The following LEMD3 variants were observed in gnomAD, a reference collection of about 807,000 sequenced individuals.
The protein encoded by LEMD3 is LEM domain containing 3.
LEMD3 carries 33 observed loss-of-function variants against 95.2 expected under a neutral mutation model. The observed-to-expected ratio is 0.35, with a 90% CI of 0.26 to 0.46. The LOEUF (loss-of-function observed/expected upper bound fraction) is 0.46, where lower values mean the gene tolerates loss of function less well. Ranked by LOEUF, LEMD3 falls within the 20% of genes least tolerant of loss-of-function variation. The probability of loss-of-function intolerance (pLI) is 1.00; values close to 1 mark genes in which losing one functional copy is unlikely to be tolerated. For missense variants in LEMD3, 1,210 were observed against 1,192.8 expected, an observed-to-expected ratio of 1.01 and a Z score of -0.21; for synonymous variants, 525 against 474.6, an observed-to-expected ratio of 1.11 and a Z score of -1.38.
rs757886688 is a variant in LEMD3 at position 65,170,144 on chromosome 12, C to CT, written c.549dup (p.Asn184Ter). The CT allele has an allele frequency of 1.4e-6, 2 of 1,474,786 alleles. No individual in the cohort carries two copies. Among genetic ancestry groups the CT allele is most frequent in the Non-Finnish European group, 8.9e-7 (1 of 1,118,102 alleles). The allele number at this position is 1,474,786 out of a possible 1,614,324, so 91.4% of individuals were successfully genotyped here. On this transcript the variant is annotated frameshift_variant, in exon 1 of 13. Transcript: ENST00000308330. LOFTEE classifies it high-confidence loss of function. Reference sequence around the variant, plus strand: ...GCGCCCCTGGCCGCCAGCGAGGTGACTAACAGCAACTCTGCAGAGCGAAGG... The same window carrying CT: ...GCGCCCCTGGCCGCCAGCGAGGTGACTTAACAGCAACTCTGCAGAGCGAAGG...
intron 1 of LEMD3, among the ~76,000 whole-genome samples, chr12:65,204,435 GTT>G (rs766697751): frequency 3.3e-5 from 5 of 152,022 alleles, no homozygotes; most frequent in Admixed American, 6.5e-5. Context: ...AGAGTATTTG[GTT>G]TTCTGTTCTC....
At chr12:65,190,006 C>T (rs1869188351) in intron 1 of LEMD3, among the ~76,000 whole-genome samples, 1 of 152,120 alleles carries the variant, frequency 6.6e-6, no homozygotes, top group Non-Finnish European at 1.5e-5. Flanking sequence ...AAGCCTCGTA[C>T]CACACTAGTT....
At chr12:65,194,210 A>G (rs1199542970) in intron 1 of LEMD3, among the ~76,000 whole-genome samples, 2 of 152,328 alleles carry the variant, frequency 1.3e-5, no homozygotes, top group East Asian at 3.9e-4. Context: ...GGCCTTGTAC[A>G]TACAAAAAGT....
At position 65,246,623 on chromosome 12, in the gene LEMD3, C is replaced by T. The variant is rs1161737375; in HGVS notation, c.*298C>T. On this transcript the variant is annotated 3_prime_UTR_variant, in exon 13 of 13. Transcript: ENST00000308330. Reference sequence around the variant, plus strand: ...CAGATGTGGTGGTTGTATTTTTGCCCCAAGAAGTGTTTGGATAACCACACA... The same window carrying T: ...CAGATGTGGTGGTTGTATTTTTGCCTCAAGAAGTGTTTGGATAACCACACA... 3 of 357,794 alleles carry T rather than the reference C, an allele frequency of 8.4e-6. No individual in the cohort carries two copies. The East Asian group carries it at 1.9e-4, about 23-fold the overall frequency. The allele number at this position is 357,794 out of a possible 1,614,324, so 22.2% of individuals were successfully genotyped here.
In LEMD3 at chr12:65,246,410, T is replaced by C; in HGVS notation, c.*85T>C. ...TTTGTCTTCCTTTTTAAATGCTTTT[T>C]GTATGTAATATTTTTATTGATGAAT... On this transcript the variant is annotated 3_prime_UTR_variant, in exon 13 of 13. Transcript: ENST00000308330. 1 of 1,066,712 alleles carries C rather than the reference T, an allele frequency of 9.4e-7. No homozygotes were observed. The highest frequency in any genetic ancestry group is 1.4e-6 in the Non-Finnish European group (1 of 692,312). The allele number at this position is 1,066,712 out of a possible 1,614,324, so 66.1% of individuals were successfully genotyped here. A position where few individuals can be genotyped will look rare whatever the true frequency, so the allele number is the denominator to read the frequency against.
chr12:65,180,516 A>G (rs755449451), intron 1 of LEMD3, among the ~76,000 whole-genome samples: 17 of 152,012 alleles, frequency 1.1e-4, no homozygotes, highest in Non-Finnish European at 1.8e-4. Context: ...GCTCTTCAAA[A>G]AGGTTATAAA....
chr12:65,171,273 G>GTT, intron 1 of LEMD3, 155 bp downstream of exon 1: 2 of 1,337,130 alleles, frequency 1.5e-6, no homozygotes, highest in Non-Finnish European at 2.0e-6. Context: ...CTTTCTTAAA[G>GTT]AACACCATTA....
intron 1 of LEMD3, among the ~76,000 whole-genome samples, chr12:65,210,662 G>A (rs1480280282): frequency 1.3e-5 from 2 of 152,146 alleles, no homozygotes; most frequent in Non-Finnish European, 2.9e-5. Flanking sequence ...TAGAGGTGGA[G>A]CTGGGACTTG....
chr12:65,180,989 A>AAC (rs71096029), intron 1 of LEMD3, among the ~76,000 whole-genome samples: 2,131 of 149,276 alleles, frequency 0.014, 17 homozygotes, highest in Non-Finnish European at 0.018. Context: ...TATGTACACA[A>AAC]ACACACACAC....
At chr12:65,192,966 TTAGG>T (rs765647501) in intron 1 of LEMD3, among the ~76,000 whole-genome samples, 1 of 152,200 alleles carries the variant, frequency 6.6e-6, no homozygotes, top group Non-Finnish European at 1.5e-5. Flanking sequence ...CATGTGCATG[TTAGG>T]TAGTCATCGT....
At chr12:65,208,560 G>T (rs950426534) in intron 1 of LEMD3, among the ~76,000 whole-genome samples, 1 of 152,074 alleles carries the variant, frequency 6.6e-6, no homozygotes, top group African/African-American at 2.4e-5. Flanking sequence ...TAGGTAATTT[G>T]GATGTGATAG....
intron 6 of LEMD3, 127 bp downstream of exon 6, chr12:65,238,941 C>T (rs1224928187): frequency 1.2e-6 from 1 of 801,500 alleles, no homozygotes; most frequent in Non-Finnish European, 2.1e-6. Context: ...GATGTCTTCA[C>T]TAAATATAAT....
intron 2 of LEMD3, among the ~76,000 whole-genome samples, chr12:65,215,456 A>G (rs1475608249): frequency 6.6e-6 from 1 of 152,184 alleles, no homozygotes; most frequent in African/African-American, 2.4e-5. Context: ...AACTCCTAGT[A>G]GATGTTTATT....
chr12:65,188,752 TA>T (rs1194414935), intron 1 of LEMD3, among the ~76,000 whole-genome samples: 13 of 152,194 alleles, frequency 8.5e-5, no homozygotes, highest in Non-Finnish European at 1.5e-5. Context: ...CAGTATGGAA[TA>T]CAAAAGTCAT....
In LEMD3 at chr12:65,246,264, T is replaced by C. The variant is rs1217903874; in HGVS notation, c.2675T>C (p.Met892Thr). Reference protein sequence around the residue: ...NTPLKPSNKHMNSMSHLRLRT... With the variant: ...NTPLKPSNKHTNSMSHLRLRT... Reference sequence around the variant, plus strand: ...CCATTGAAGCCATCAAATAAACATATGAACTCCATGTCTCATCTTCGTCTT... The same window carrying C: ...CCATTGAAGCCATCAAATAAACATACGAACTCCATGTCTCATCTTCGTCTT... Residue 892 changes from methionine to threonine, a missense_variant, in exon 13 of 13, where the codon ATG becomes ACG. Around this residue, in one of 2 missense-constraint regions of LEMD3, gnomAD observed 461 missense variants for 569.8 expected, o/e 0.81. Coordinates refer to ENST00000308330, the MANE Select transcript of LEMD3 (RefSeq NM_014319.5). 6.2e-7 allele frequency: 1 copy of C among 1,613,588 alleles called. No homozygotes were observed. Among genetic ancestry groups the C allele is most frequent in the East Asian group, 2.2e-5 (1 of 44,858 alleles).
intron 1 of LEMD3, among the ~76,000 whole-genome samples, chr12:65,210,392 A>C (rs1869900844): frequency 6.6e-6 from 1 of 152,158 alleles, no homozygotes; most frequent in African/African-American, 2.4e-5. Context: ...ACTGCTTCTT[A>C]GTCTATATTA....
intron 9 of LEMD3, among the ~76,000 whole-genome samples, chr12:65,241,824 C>T (rs1011908996): frequency 1.3e-5 from 2 of 152,018 alleles, no homozygotes; most frequent in Non-Finnish European, 2.9e-5. Flanking sequence ...TTTTTATTCT[C>T]CAATTAATTT....
chr12:65,179,732 AACCTGC>A lies in LEMD3; in HGVS notation c.1522+8617_1522+8622del, dbSNP rs141650656. On this transcript the variant is annotated intron_variant, in intron 1 of 12. Coordinates refer to ENST00000308330, the MANE Select transcript of LEMD3 (RefSeq NM_014319.5). The stretch of plus-strand genomic sequence containing the variant: ...ATGGCACGCGTTTACCTATGTAACA[AACCTGC>A]ACATCCTGCACATGTATCCCAGAAC... Among the ~76,000 whole-genome samples, 1,135 of 152,318 alleles carry A rather than the reference AACCTGC, an allele frequency of 7.5e-3. 15 individuals carry two copies. The highest frequency in any genetic ancestry group is 0.026 in the African/African-American group (1,063 of 41,570).
At chr12:65,196,694 A>G (rs780864402) in intron 1 of LEMD3, among the ~76,000 whole-genome samples, 4 of 152,054 alleles carry the variant, frequency 2.6e-5, no homozygotes, top group Non-Finnish European at 5.9e-5. Context: ...CTCATAGTCA[A>G]GAGAATTCAA....
Sources: allele counts gnomAD v4.1 joint callset (sites outside exome capture counted in the v4.1 genomes callset), GRCh38; gene constraint gnomAD v4.1.1; regional missense constraint gnomAD v4.1.1; transcripts MANE v1.5; gene names NCBI Gene and HGNC (gene_info 2026-07-23, HGNC 2026-07-21).